The following F8 variants were observed in gnomAD, a reference collection of about 807,000 sequenced individuals.
The protein encoded by F8 is coagulation factor VIII.
A neutral mutation model predicts 140.6 loss-of-function variants in F8; 12 were observed. The observed-to-expected ratio is 0.09, with a 90% CI of 0.05 to 0.14. The LOEUF is 0.14. F8 is among the 10% of genes least tolerant of loss of function. The pLI is 1.00. For synonymous variants in F8, 585 were observed against 614.6 expected, an observed-to-expected ratio of 0.95 and a Z score of 0.71; for missense variants, 1,354 against 1,720.7, an observed-to-expected ratio of 0.79 and a Z score of 3.77.
At chrX:154,912,051 CT>C (rs1280395728) in intron 14 of F8, among the ~76,000 whole-genome samples, 1 of 111,577 alleles carries the variant, frequency 9.0e-6, no homozygotes, top group African/African-American at 3.3e-5. Flanking sequence ...GGATCCTTTG[CT>C]TTTTTGCCAT....
intron 25 of F8, among the ~76,000 whole-genome samples, chrX:154,851,334 A>C (rs1383241941): frequency 8.9e-6 from 1 of 112,287 alleles, no homozygotes; most frequent in African/African-American, 3.2e-5. Context: ...GCTATTATGA[A>C]TAGTACTTCT....
chrX:154,850,365 T>C (rs1323261940), intron 25 of F8, among the ~76,000 whole-genome samples: 1 of 110,348 alleles, frequency 9.1e-6, no homozygotes, highest in Non-Finnish European at 1.9e-5. Context: ...TGACCTCAGA[T>C]GATCTTCCTG....
At chrX:154,845,900 G>T (rs1557271718) in intron 25 of F8, among the ~76,000 whole-genome samples, 1 of 111,839 alleles carries the variant, frequency 8.9e-6, no homozygotes, top group Non-Finnish European at 1.9e-5. Flanking sequence ...GTCAATTTTT[G>T]ATCTTTCCTG....
At chrX:154,996,927 G>A in intron 3 of F8, 46 bp downstream of exon 3, 2 of 1,199,058 alleles carry the variant, frequency 1.7e-6, no homozygotes, top group Non-Finnish European at 2.3e-6. Flanking sequence ...ACATCTCACT[G>A]TTCTATTCAT....
chrX:155,017,286 G>C (rs1360934613), intron 1 of F8, among the ~76,000 whole-genome samples: 5 of 112,302 alleles, frequency 4.5e-5, no homozygotes, highest in Admixed American at 1.9e-4. Context: ...TAAAACCTTG[G>C]TGTTGGCCTT....
At chrX:154,940,001 G>A (rs1017381519) in intron 13 of F8, among the ~76,000 whole-genome samples, 9 of 111,645 alleles carry the variant, frequency 8.1e-5, no homozygotes, top group Non-Finnish European at 1.5e-4. Flanking sequence ...CATCCACACC[G>A]AAAACCCATC....
intron 25 of F8, among the ~76,000 whole-genome samples, chrX:154,852,702 T>C (rs191538774): frequency 4.7e-4 from 51 of 109,415 alleles, no homozygotes; most frequent in African/African-American, 1.7e-3. Context: ...TGAAATTCCA[T>C]CTGAATTTTA....
At chrX:155,000,247 G>A (rs2073639513) in intron 1 of F8, among the ~76,000 whole-genome samples, 1 of 112,196 alleles carries the variant, frequency 8.9e-6, no homozygotes, top group African/African-American at 3.2e-5. Context: ...TGACAGTTTA[G>A]CATGTCTGGG....
At chrX:155,001,495 G>T (rs2073646400) in intron 1 of F8, among the ~76,000 whole-genome samples, 1 of 109,569 alleles carries the variant, frequency 9.1e-6, no homozygotes, top group Non-Finnish European at 1.9e-5. Context: ...TCACCATGTT[G>T]CCCAGGCTGG....
chrX:154,872,344 A>G (rs1002143152), intron 22 of F8, among the ~76,000 whole-genome samples: 3 of 112,107 alleles, frequency 2.7e-5, no homozygotes, highest in Non-Finnish European at 3.8e-5. Context: ...TGTAGCACAT[A>G]TACACCATGG....
intron 14 of F8, among the ~76,000 whole-genome samples, chrX:154,911,300 G>A (rs1557276739): frequency 9.3e-6 from 1 of 107,622 alleles, no homozygotes; most frequent in South Asian, 4.3e-4. Flanking sequence ...TGGGTGACGA[G>A]GGGCAGGCCA....
At chrX:154,980,977 A>G (rs2073515873) in intron 6 of F8, among the ~76,000 whole-genome samples, 2 of 112,117 alleles carry the variant, frequency 1.8e-5, no homozygotes, top group Non-Finnish European at 3.8e-5. Flanking sequence ...AAAGAAAGTG[A>G]AAGGACTGGC....
chrX:154,918,830 G>T (rs1472778838), intron 14 of F8: 1 of 98,656 alleles, frequency 1.0e-5, no homozygotes, highest in African/African-American at 3.9e-5. Flanking sequence ...CTGTGTGCTG[G>T]GGCATCAATG....
At chrX:154,923,996 T>C (rs782056680) in intron 14 of F8, among the ~76,000 whole-genome samples, 8 of 111,646 alleles carry the variant, frequency 7.2e-5, no homozygotes, top group Non-Finnish European at 1.5e-4. Context: ...AAAAAAGAGT[T>C]TTCCTGCACA....
At chrX:154,941,873 C>T (rs1445465199) in intron 13 of F8, among the ~76,000 whole-genome samples, 57 of 104,796 alleles carry the variant, frequency 5.4e-4, no homozygotes, top group African/African-American at 1.8e-3. Context: ...CACTCAAAAC[C>T]GCTCAACTAC....
At chrX:154,945,217 A>C (rs1307410677) in intron 13 of F8, among the ~76,000 whole-genome samples, 20 of 111,266 alleles carry the variant, frequency 1.8e-4, no homozygotes, top group Non-Finnish European at 1.1e-4. Flanking sequence ...TATCCCAAAA[A>C]TCAAGGGGGA....
rs782449134 is a variant in F8, at chrX:155,013,506, C to G, written c.143+8904G>C. Reference sequence around the variant, plus strand: ...TTAAATCTCTTTCCTTTATAAATTACCCAGTCTCGGGTATGTCCTCATAGC... The same window carrying G: ...TTAAATCTCTTTCCTTTATAAATTAGCCAGTCTCGGGTATGTCCTCATAGC... On this transcript the variant is annotated intron_variant, in intron 1 of 25. Transcript: ENST00000360256. Among the ~76,000 whole-genome samples the G allele has an allele frequency of 7.2e-4, 80 of 111,603 alleles. 1 individual carries two copies. The South Asian group carries it at 0.03, about 42-fold the overall frequency.
intron 13 of F8, among the ~76,000 whole-genome samples, chrX:154,944,720 C>T (rs782486044): frequency 4.5e-4 from 50 of 111,419 alleles, no homozygotes; most frequent in African/African-American, 1.6e-3. Context: ...CACATGCACA[C>T]GTATGTTTAT....
chrX:154,912,789 G>A (rs782017104), intron 14 of F8, among the ~76,000 whole-genome samples: 2 of 111,984 alleles, frequency 1.8e-5, no homozygotes, highest in African/African-American at 6.5e-5. Context: ...TGGCTGGAGA[G>A]GCCTCAGGAA....
Sources: gnomAD v4.1 joint callset for allele counts (sites outside exome capture counted in the v4.1 genomes callset) on GRCh38, gnomAD v4.1.1 for gene constraint, MANE v1.5 for transcripts, NCBI Gene and HGNC (gene_info 2026-07-23, HGNC 2026-07-21) for gene names.